MELK: variants seen among roughly 807,000 people sequenced by gnomAD.
The protein encoded by MELK is maternal embryonic leucine zipper kinase.
Under a neutral mutation model 85.0 loss-of-function variants are expected in MELK, and 81 were observed. The observed-to-expected ratio is 0.95, with a 90% CI of 0.80 to 1.15. MELK has a LOEUF of 1.15. MELK is among the 50% of genes most tolerant of loss of function. The pLI is 0.00. For missense variants in MELK, 754 were observed against 777.5 expected, an observed-to-expected ratio of 0.97 and a Z score of 0.36; for synonymous variants, 252 against 265.0, an observed-to-expected ratio of 0.95 and a Z score of 0.48.
chr9:36,669,477 A>G (rs146062008), intron 15 of MELK, 71 bp downstream of exon 15: 3 of 1,060,844 alleles, frequency 2.8e-6, no homozygotes, highest in East Asian at 5.1e-5. Context: ...ATGTATTAAT[A>G]GACCTGATTA....
At chr9:36,613,157 G>A (rs1332456584) in intron 8 of MELK, among the ~76,000 whole-genome samples, 1 of 152,184 alleles carries the variant, frequency 6.6e-6, no homozygotes, top group African/African-American at 2.4e-5. Context: ...ACGCTAAGGT[G>A]TGCCTGCCTC....
At chr9:36,604,619 C>T (rs764590652) in intron 7 of MELK, among the ~76,000 whole-genome samples, 3 of 151,772 alleles carry the variant, frequency 2.0e-5, no homozygotes, top group Non-Finnish European at 2.9e-5. Flanking sequence ...TCCCAAAGTG[C>T]TGGGATTACA....
intron 3 of MELK, among the ~76,000 whole-genome samples, chr9:36,584,162 C>A (rs570484762): frequency 5.4e-5 from 8 of 147,904 alleles, no homozygotes; most frequent in African/African-American, 2.0e-4. Flanking sequence ...CCCGCCACTA[C>A]GCCCGGCTAA....
At chr9:36,653,256 C>T (rs1395054350) in intron 12 of MELK, among the ~76,000 whole-genome samples, 2 of 152,178 alleles carry the variant, frequency 1.3e-5, no homozygotes, top group African/African-American at 4.8e-5. Flanking sequence ...AAGCAATCCT[C>T]CTGCCTCAGC....
chr9:36,643,084 G>T lies in MELK; in HGVS notation c.921+1G>T. The T allele has an allele frequency of 1.2e-6, 2 of 1,610,666 alleles. No individual in the cohort carries two copies. Among genetic ancestry groups the T allele is most frequent in the African/African-American group, 1.3e-5 (1 of 74,884 alleles). ...AACAATGGAGGATTTAATTTCACTG[G>T]TAAGAAATACAGCATGGGCTGGGCG... On this transcript the variant is annotated splice_donor_variant, in intron 11 of 17. Transcript: ENST00000298048. LOFTEE classifies it high-confidence loss of function.
intron 1 of MELK, among the ~76,000 whole-genome samples, chr9:36,577,893 TC>T (rs1246246957): frequency 6.6e-6 from 1 of 152,102 alleles, no homozygotes; most frequent in Non-Finnish European, 1.5e-5. Flanking sequence ...CCTCAGGTGA[TC>T]CGCCTGCCTC....
At position 36,633,198 on chromosome 9, in the gene MELK, C is replaced by T; in HGVS notation, c.832C>T (p.Pro278Ser). 1 of 1,592,150 alleles carries T rather than the reference C, an allele frequency of 6.3e-7. No homozygotes were observed. Among genetic ancestry groups the T allele is most frequent in the Non-Finnish European group, 8.5e-7 (1 of 1,172,904 alleles). ...TCCTGTTGAGTGGCAAAGCAAGAAT[C>T]CTGTAAGTAAAATGAAATCCAGTAG... ...NYPVEWQSKN[P>S]FIHLDDDCVT... Residue 278 changes from proline to serine, a missense_variant and splice_region_variant, in exon 10 of 18, where the codon CCT becomes TCT. Physicochemically the swap from Pro to Ser is moderately conservative, Grantham distance 74. Transcript: ENST00000298048.
chr9:36,628,749 G>A (rs761830601), intron 8 of MELK, among the ~76,000 whole-genome samples: 7 of 151,508 alleles, frequency 4.6e-5, no homozygotes, highest in Admixed American at 2.6e-4. Context: ...AATATCAAAC[G>A]TTAATTTTGT....
intron 15 of MELK, among the ~76,000 whole-genome samples, chr9:36,669,940 TTGA>T (rs1423629354): frequency 4.6e-5 from 7 of 151,916 alleles, no homozygotes; most frequent in African/African-American, 1.7e-4. Flanking sequence ...TATTAATTTA[TTGA>T]TGAAGAAACT....
At chr9:36,606,548 GTATAGGTGTGTATATAATATATAATA>G (rs1318040777) in intron 7 of MELK, among the ~76,000 whole-genome samples, 9 of 142,926 alleles carry the variant, frequency 6.3e-5, no homozygotes, top group Admixed American at 2.9e-4. Flanking sequence ...ATATACATAT[GTATAGGTGTGTATATAATATATAATA>G]TATACATATG....
In MELK at chr9:36,609,976, C is replaced by T. The variant is rs543189845; in HGVS notation, c.666+2303C>T. On this transcript the variant is annotated intron_variant, in intron 8 of 17. Coordinates refer to ENST00000298048, the MANE Select transcript of MELK (RefSeq NM_014791.4). ...GAAATTAATACAGGAGTTGGGGTGG[C>T]TCTGGGAGGGCATCTTAGAGGAAGT... Among the ~76,000 whole-genome samples the T allele has an allele frequency of 3.9e-5, 6 of 152,116 alleles. No homozygotes were observed. In the South Asian group the frequency reaches 8.3e-4, roughly 21 times the overall value.
At chr9:36,574,535 G>A (rs1289473606) in intron 1 of MELK, among the ~76,000 whole-genome samples, 8 of 151,610 alleles carry the variant, frequency 5.3e-5, no homozygotes, top group Non-Finnish European at 7.4e-5. Flanking sequence ...CCCAGGAGGC[G>A]GAGGTTGCGG....
intron 10 of MELK, among the ~76,000 whole-genome samples, chr9:36,634,089 C>G (rs1192865131): frequency 6.6e-6 from 1 of 152,204 alleles, no homozygotes; most frequent in Non-Finnish European, 1.5e-5. Flanking sequence ...TTGGAAAACA[C>G]TGGTTTGCTG....
chr9:36,637,939 C>T (rs1442091046), intron 10 of MELK, among the ~76,000 whole-genome samples: 4 of 152,186 alleles, frequency 2.6e-5, no homozygotes, highest in Non-Finnish European at 4.4e-5. Flanking sequence ...ACAGCAACCA[C>T]ACCAAGATCC....
intron 8 of MELK, among the ~76,000 whole-genome samples, chr9:36,610,799 T>C: frequency 6.6e-6 from 1 of 152,214 alleles, no homozygotes; most frequent in East Asian, 1.9e-4. Context: ...GGCAGCTCAG[T>C]AACATTTATC....
chr9:36,627,860 C>T (rs182604773), intron 8 of MELK, among the ~76,000 whole-genome samples: 53 of 151,052 alleles, frequency 3.5e-4, no homozygotes, highest in African/African-American at 1.3e-3. Flanking sequence ...CTTGCCAGGG[C>T]ACCTTAACAC....
intron 1 of MELK, among the ~76,000 whole-genome samples, chr9:36,580,910 A>C (rs1206868354): frequency 6.6e-6 from 1 of 151,588 alleles, no homozygotes; most frequent in Non-Finnish European, 1.5e-5. Context: ...TTGTATCTTT[A>C]GTAGAGATGG....
At chr9:36,636,867 C>G (rs1011583837) in intron 10 of MELK, among the ~76,000 whole-genome samples, 2 of 150,844 alleles carry the variant, frequency 1.3e-5, no homozygotes, top group Non-Finnish European at 1.5e-5. Context: ...TACCGAGTCT[C>G]ACTCTGTCAC....
chr9:36,666,621 C>G (rs1323128459), intron 14 of MELK, among the ~76,000 whole-genome samples: 1 of 152,126 alleles, frequency 6.6e-6, no homozygotes, highest in Non-Finnish European at 1.5e-5. Flanking sequence ...GGAGCATTGC[C>G]ATGTGAACTG....
Sources: gnomAD v4.1 joint callset for allele counts (sites outside exome capture counted in the v4.1 genomes callset) on GRCh38, gnomAD v4.1.1 for gene constraint, MANE v1.5 for transcripts, NCBI Gene and HGNC (gene_info 2026-07-23, HGNC 2026-07-21) for gene names.